The following HEXB variants were observed in gnomAD, a reference collection of about 807,000 sequenced individuals.
HEXB encodes beta-hexosaminidase subunit beta.
A neutral mutation model predicts 71.2 loss-of-function variants in HEXB; 51 were observed. That is an observed-to-expected ratio of 0.72 (90% CI 0.57 to 0.90). HEXB has a LOEUF of 0.90. Ranked by LOEUF, HEXB falls within the 40% of genes least tolerant of loss-of-function variation. The probability of loss-of-function intolerance (pLI) is 0.00; values close to 1 mark genes in which losing one functional copy is unlikely to be tolerated. For missense variants in HEXB, 617 were observed against 677.0 expected (o/e 0.91, Z 0.98); for synonymous variants, 266 against 249.3 (o/e 1.07, Z -0.63).
rs149835369 is a variant in HEXB, at chr5:74,652,462, C to T, written c.-377+11904C>T. Among the ~76,000 whole-genome samples the T allele has an allele frequency of 2.7e-4, 41 of 152,338 alleles. No individual in the cohort carries two copies. Among genetic ancestry groups the T allele is most frequent in the Non-Finnish European group, 4.1e-4 (28 of 68,036 alleles). ...ATCAATGGTACGAAAATTGCAGCCGCTCCCATGTGTTGGGATGTTTTGCAA... is the reference window on the plus strand; with the variant it reads ...ATCAATGGTACGAAAATTGCAGCCGTTCCCATGTGTTGGGATGTTTTGCAA... On this transcript the variant is annotated intron_variant, in intron 1 of 13. Transcript: ENST00000511181. This position sits in a 1 kb window ranked among gnomAD's most constrained non-coding sequence, Gnocchi z 5.4.
chr5:74,692,338 A>G, intron 2 of HEXB, among the ~76,000 whole-genome samples: 1 of 151,308 alleles, frequency 6.6e-6, no homozygotes, highest in African/African-American at 2.4e-5. Flanking sequence ...TCTCTACAAA[A>G]AAAAAAAAAA....
chr5:74,667,678 T>C (rs918047535), intron 1 of HEXB, among the ~76,000 whole-genome samples: 1 of 152,154 alleles, frequency 6.6e-6, no homozygotes, highest in Non-Finnish European at 1.5e-5. Flanking sequence ...TTTGCTTGTA[T>C]GAGGGCAGCA....
Position 74,715,703 on chromosome 5 carries a change from C to T in HEXB, c.1082+13C>T, listed in dbSNP as rs201428805. On this transcript the variant is annotated intron_variant, in intron 8 of 13. Coordinates refer to ENST00000261416, the MANE Select transcript of HEXB (RefSeq NM_000521.4). ...AATTTAAATGTTGGTAAGATGATTC[C>T]TTAAAACCCCTTTAAAAAAAAAAAA... 7.0e-4 allele frequency: 1,075 copies of T among 1,539,628 alleles called. 10 individuals carry two copies. The highest frequency in any genetic ancestry group is 3.0e-3 in the Middle Eastern group (16 of 5,322).
Position 74,720,799 on chromosome 5 carries a change from A to AGT in HEXB, c.1613+53_1613+54dup, listed in dbSNP as rs974440460. Reference sequence around the variant, plus strand: ...ATTTTTAACCTTCTTATTCAGTGTTAGTTTCTTTTGCTATAAATAGAAATG... The same window carrying AGT: ...ATTTTTAACCTTCTTATTCAGTGTTAGTGTTTCTTTTGCTATAAATAGAAATG... On this transcript the variant is annotated intron_variant, in intron 13 of 13. Transcript: ENST00000261416. 5.1e-6 allele frequency: 7 copies of AGT among 1,382,174 alleles called. No homozygotes were observed. In the African/African-American group the frequency reaches 8.5e-5, roughly 17 times the overall value. 85.6% of individuals were successfully genotyped at this position (1,382,174 alleles called of 1,614,324 possible). A position where few individuals can be genotyped will look rare whatever the true frequency, so the allele number is the denominator to read the frequency against.
At chr5:74,703,167 G>C (rs1749302870) in intron 5 of HEXB, among the ~76,000 whole-genome samples, 1 of 152,218 alleles carries the variant, frequency 6.6e-6, no homozygotes, top group Non-Finnish European at 1.5e-5. Context: ...TGGCCAGGCT[G>C]GTCCCGAGCT....
At chr5:74,716,896 A>G (rs1290807474) in intron 9 of HEXB, 1 of 399,750 alleles carries the variant, frequency 2.5e-6, no homozygotes, top group East Asian at 5.5e-5. Context: ...TCTGTTCTAA[A>G]AACTCAGATT....
chr5:74,641,694 G>T lies in HEXB; in HGVS notation c.-377+1136G>T, dbSNP rs1747895014. On this transcript the variant is annotated intron_variant, in intron 1 of 13. Coordinates refer to the HEXB transcript ENST00000511181. The surrounding 1 kb of genome is among the most constrained non-coding windows in gnomAD (Gnocchi z 4.1). ...GTGTCAGGAGAAGGGAAGGCGATTC[G>T]AAAAATAATCTCGCGTGGTGATCAC... 6.6e-6 allele frequency among the ~76,000 whole-genome samples: 1 copy of T among 152,204 alleles called. No homozygotes were observed. The highest frequency in any genetic ancestry group is 2.1e-4 in the South Asian group (1 of 4,836).
At chr5:74,663,388 G>T (rs1441033170) in intron 1 of HEXB, among the ~76,000 whole-genome samples, 2 of 152,058 alleles carry the variant, frequency 1.3e-5, no homozygotes, top group Non-Finnish European at 2.9e-5. Context: ...ACAGGGTTTT[G>T]CCATGTTGGT....
intron 1 of HEXB, among the ~76,000 whole-genome samples, chr5:74,664,676 G>T (rs1748401958): frequency 6.6e-6 from 1 of 152,088 alleles, no homozygotes; most frequent in African/African-American, 2.4e-5. Flanking sequence ...AAAGGAAAGG[G>T]TTACAGAGAG....
chr5:74,683,110 C>T (rs1434308783), upstream of HEXB, among the ~76,000 whole-genome samples: 1 of 152,166 alleles, frequency 6.6e-6, no homozygotes, highest in African/African-American at 2.4e-5. Flanking sequence ...TTCTTGGCCT[C>T]TCTGTGTGGT....
At chr5:74,674,619 A>AAAG (rs1554033720) in intron 1 of HEXB, among the ~76,000 whole-genome samples, 4 of 151,616 alleles carry the variant, frequency 2.6e-5, no homozygotes, top group African/African-American at 4.8e-5. Context: ...AAAAAAAAAA[A>AAAG]AAGAAGAAGA....
At chr5:74,713,326 A>C (rs1749594185) in intron 6 of HEXB, among the ~76,000 whole-genome samples, 180 bp from the exon 7 acceptor site, 1 of 152,144 alleles carries the variant, frequency 6.6e-6, no homozygotes, top group Non-Finnish European at 1.5e-5. Flanking sequence ...GAAATTTTCT[A>C]CTCCTGAAAC....
In HEXB at chr5:74,672,634, T is replaced by A. The variant is rs151075565; in HGVS notation, c.-376-16694T>A. 2.8e-3 allele frequency among the ~76,000 whole-genome samples: 431 copies of A among 152,336 alleles called. 6 individuals are homozygous for A. The highest frequency in any genetic ancestry group is 0.017 in the Middle Eastern group (5 of 294). On this transcript the variant is annotated intron_variant, in intron 1 of 13. Transcript: ENST00000511181. ...AAAGGGAGGAGAGGGCAGGCTGACA[T>A]GCCAACTGACAGCAATGCCCTCTTA... is the stretch of plus-strand genomic sequence containing the variant.
chr5:74,668,230 TTG>T (rs34727155), intron 1 of HEXB, among the ~76,000 whole-genome samples: 5,508 of 148,410 alleles, frequency 0.037, 136 homozygotes, highest in African/African-American at 0.075. Flanking sequence ...TTTGTTTTGT[TTG>T]TGTGTGTGTG....
chr5:74,649,847 C>T (rs1374477232), intron 1 of HEXB, among the ~76,000 whole-genome samples: 1 of 152,178 alleles, frequency 6.6e-6, no homozygotes. Flanking sequence ...AAAGGAATGT[C>T]CTAATCAAAT....
chr5:74,651,992 G>A (rs6859792), intron 1 of HEXB, among the ~76,000 whole-genome samples: 5,369 of 152,158 alleles, frequency 0.035, 284 homozygotes, highest in African/African-American at 0.1. Context: ...TGCCAGCTCT[G>A]TGTAAAACTA....
At chr5:74,697,200 CAG>C (rs1749132788) in intron 5 of HEXB, 94 bp downstream of exon 5, 4 of 735,414 alleles carry the variant, frequency 5.4e-6, no homozygotes, top group East Asian at 2.6e-5. Context: ...TAGTTTGGAA[CAG>C]GGGAATTTGT....
chr5:74,685,597 G>T (rs749490276), intron 1 of HEXB, 38 bp downstream of exon 1: 12 of 1,514,124 alleles, frequency 7.9e-6, no homozygotes, highest in Non-Finnish European at 1.1e-5. Flanking sequence ...TGTCCTGGGG[G>T]AGGGGAGAGG....
chr5:74,685,652 G>C, intron 1 of HEXB, 93 bp downstream of exon 1: 1 of 1,207,128 alleles, frequency 8.3e-7, no homozygotes, highest in African/African-American at 1.6e-5. Flanking sequence ...ACCCCACTGC[G>C]CAGACGAGAA....
Sources: allele counts gnomAD v4.1 joint callset (sites outside exome capture counted in the v4.1 genomes callset), GRCh38; gene constraint gnomAD v4.1.1; non-coding constraint Gnocchi (gnomAD v3.1); transcripts MANE v1.5; gene names NCBI Gene and HGNC (gene_info 2026-07-23, HGNC 2026-07-21).